NUP98: variants seen among roughly 807,000 people sequenced by gnomAD.
The protein encoded by NUP98 is nucleoporin 98 and 96 precursor, also known as nuclear pore complex protein Nup98-Nup96.
Under a neutral mutation model 191.9 loss-of-function variants are expected in NUP98, and 26 were observed. The observed-to-expected ratio is 0.14, with a 90% confidence interval of 0.10 to 0.19. The LOEUF (loss-of-function observed/expected upper bound fraction) is 0.19. Ranked by LOEUF, NUP98 falls within the 10% of genes least tolerant of loss-of-function variation. The pLI is 1.00. For synonymous variants in NUP98, 808 were observed against 778.4 expected, an observed-to-expected ratio of 1.04 and a Z score of -0.63; for missense variants, 1,941 against 2,178.8, an observed-to-expected ratio of 0.89 and a Z score of 2.17.
At chr11:3,779,395 A>T in intron 2 of NUP98, 138 bp from the exon 3 acceptor site, 1 of 755,774 alleles carries the variant, frequency 1.3e-6, no homozygotes, top group Non-Finnish European at 2.2e-6. Context: ...TAATCCCAGC[A>T]CTTTGGGAGG....
chr11:3,691,489 T>G lies in NUP98; in HGVS notation c.4312A>C (p.Asn1438His). 1 of 1,614,056 alleles carries G rather than the reference T, an allele frequency of 6.2e-7. No individual in the cohort carries two copies. Among genetic ancestry groups the G allele is most frequent in the Non-Finnish European group, 8.5e-7 (1 of 1,179,962 alleles). ...GCATATCTGTCACTGTCAGAGGTAT[T>G]CTGAAGGAATAATTTGATAAAACAA... ...ALSMYEEAFQNTSDSDRYACS... is the reference protein window; with the variant it reads ...ALSMYEEAFQHTSDSDRYACS... Residue 1438 changes from asparagine (N) to histidine (H), a missense_variant and splice_region_variant, in exon 28 of 33, where the codon AAT becomes CAT. Physicochemically the swap from Asn to His is moderately conservative, Grantham distance 68. Coordinates refer to ENST00000324932, the MANE Select transcript of NUP98 (RefSeq NM_016320.5).
chr11:3,756,101 G>C (rs948400369), intron 10 of NUP98, among the ~76,000 whole-genome samples: 9 of 152,118 alleles, frequency 5.9e-5, no homozygotes, highest in Admixed American at 1.3e-4. Context: ...GCCTACTCAA[G>C]CATCATCAAT....
At chr11:3,732,242 T>C (rs967258860) in intron 13 of NUP98, among the ~76,000 whole-genome samples, 9 of 152,128 alleles carry the variant, frequency 5.9e-5, no homozygotes, top group East Asian at 1.9e-4. Context: ...AGCGAGACTC[T>C]TTCCCCAAAA....
At chr11:3,725,326 T>C in intron 14 of NUP98, 107 bp from the exon 15 acceptor site, 1 of 617,826 alleles carries the variant, frequency 1.6e-6, no homozygotes, top group Non-Finnish European at 2.9e-6. Flanking sequence ...TCTGCTCAAC[T>C]CTTGTACACC....
chr11:3,796,384 G>C (rs1477629078), intron 1 of NUP98, among the ~76,000 whole-genome samples: 1 of 152,178 alleles, frequency 6.6e-6, no homozygotes, highest in Non-Finnish European at 1.5e-5. Flanking sequence ...GCTGACACAA[G>C]TCAAAAAATT....
At chr11:3,762,800 C>T in intron 9 of NUP98, 102 bp downstream of exon 9, 1 of 1,223,650 alleles carries the variant, frequency 8.2e-7, no homozygotes, top group South Asian at 1.5e-5. Context: ...TGCAATAATA[C>T]ACCCAATAAA....
intron 20 of NUP98, among the ~76,000 whole-genome samples, chr11:3,708,806 G>A (rs1329607673): frequency 2.0e-5 from 3 of 151,768 alleles, no homozygotes; most frequent in African/African-American, 4.8e-5. Context: ...GGAAAAGAAC[G>A]GCACGTATAG....
intron 12 of NUP98, among the ~76,000 whole-genome samples, chr11:3,743,696 A>G (rs2080376827): frequency 6.6e-6 from 1 of 151,626 alleles, no homozygotes; most frequent in African/African-American, 2.4e-5. Context: ...TTCAAAATAC[A>G]TAATAAAGTG....
chr11:3,721,474 A>C (rs1054755458), intron 16 of NUP98, among the ~76,000 whole-genome samples: 1 of 152,084 alleles, frequency 6.6e-6, no homozygotes, highest in African/African-American at 2.4e-5. Flanking sequence ...GGGGTGAGTA[A>C]ATCACTTGAG....
intron 29 of NUP98, among the ~76,000 whole-genome samples, chr11:3,684,482 C>T (rs1320215416): frequency 6.6e-6 from 1 of 152,028 alleles, no homozygotes; most frequent in Non-Finnish European, 1.5e-5. Flanking sequence ...TATTCTTTTT[C>T]AGGAAACAAG....
intron 10 of NUP98, among the ~76,000 whole-genome samples, chr11:3,756,745 T>C (rs141277555): frequency 6.6e-6 from 1 of 152,028 alleles, no homozygotes; most frequent in Non-Finnish European, 1.5e-5. Context: ...TGGGGAGACA[T>C]CATATATATC....
At chr11:3,786,423 CT>C (rs2082142601) in intron 1 of NUP98, among the ~76,000 whole-genome samples, 1 of 152,030 alleles carries the variant, frequency 6.6e-6, no homozygotes, top group Non-Finnish European at 1.5e-5. Flanking sequence ...AACCTTTCTC[CT>C]TTTTTTCTTT....
chr11:3,692,412 G>A (rs2078345302), intron 27 of NUP98, among the ~76,000 whole-genome samples: 1 of 151,806 alleles, frequency 6.6e-6, no homozygotes, highest in Non-Finnish European at 1.5e-5. Context: ...CAGATCATGA[G>A]GTCAGGAGAT....
intron 4 of NUP98, among the ~76,000 whole-genome samples, chr11:3,777,984 G>A (rs552541892): frequency 6.6e-6 from 1 of 151,980 alleles, no homozygotes; most frequent in South Asian, 2.1e-4. Context: ...GGAACACGAG[G>A]TCAGGAGATC....
At chr11:3,745,445 C>A (rs1266631362) in intron 11 of NUP98, among the ~76,000 whole-genome samples, 4 of 152,080 alleles carry the variant, frequency 2.6e-5, no homozygotes, top group Non-Finnish European at 5.9e-5. Flanking sequence ...GAGGAAAACC[C>A]ATTGTAGAAA....
At chr11:3,780,711 G>A (rs2081939769) in intron 2 of NUP98, among the ~76,000 whole-genome samples, 1 of 151,986 alleles carries the variant, frequency 6.6e-6, no homozygotes, top group Non-Finnish European at 1.5e-5. Flanking sequence ...TTAGGTGGGA[G>A]AACTGCTTGA....
intron 19 of NUP98, among the ~76,000 whole-genome samples, chr11:3,713,475 T>C (rs551517283): frequency 3.3e-5 from 5 of 152,300 alleles, no homozygotes; most frequent in Non-Finnish European, 7.4e-5. Flanking sequence ...CACAGTACTT[T>C]TGGGAGGCCA....
In NUP98 at chr11:3,744,632, C is replaced by A; in HGVS notation, c.1285G>T (p.Ala429Ser). ...GGTTGGTTGTTCCCAAACAAAGATG[C>A]CTGTCCAGCACCAAGAGCTACGGAG... is the stretch of plus-strand genomic sequence containing the variant. ...GFGTALGAGQASLFGNNQPKI... is the reference protein window; with the variant it reads ...GFGTALGAGQSSLFGNNQPKI... The change falls in exon 12 of 33, where the codon GCA becomes TCA. Residue 429 changes from alanine (A) to serine (S), a missense_variant. This residue lies in a region of NUP98 where 453 missense variants were observed against 438.2 expected (regional missense o/e 1.03). Transcript: ENST00000324932. 6.2e-7 allele frequency: 1 copy of A among 1,612,828 alleles called. No homozygotes were observed.
At chr11:3,721,423 C>T (rs944428411) in intron 16 of NUP98, among the ~76,000 whole-genome samples, 31 of 152,140 alleles carry the variant, frequency 2.0e-4, no homozygotes, top group Admixed American at 2.0e-3. Context: ...TCCAGCCAGG[C>T]AAGGTGGCTC....
Sources: gnomAD v4.1 joint callset for allele counts (sites outside exome capture counted in the v4.1 genomes callset) on GRCh38, gnomAD v4.1.1 for gene constraint, gnomAD v4.1.1 regional missense constraint, MANE v1.5 for transcripts, NCBI Gene and HGNC (gene_info 2026-07-23, HGNC 2026-07-21) for gene names.